Variants in KLF15 observed in about 807,000 individuals in gnomAD.
KLF15 encodes Krueppel-like factor 15.
Under a neutral mutation model 24.6 loss-of-function variants are expected in KLF15, and 4 were observed. That is an observed-to-expected ratio of 0.16 (90% confidence interval 0.08 to 0.37). The LOEUF (loss-of-function observed/expected upper bound fraction) is 0.37. Ranked by LOEUF, KLF15 falls within the 10% of genes least tolerant of loss-of-function variation. The probability of loss-of-function intolerance (pLI) is 1.00; values close to 1 mark genes in which losing one functional copy is unlikely to be tolerated. For synonymous variants in KLF15, 246 were observed against 236.3 expected, an observed-to-expected ratio of 1.04 and a Z score of -0.37; for missense variants, 496 against 560.6, an observed-to-expected ratio of 0.88 and a Z score of 1.16.
At chr3:126,319,498 G>A in the KLF15 span, among the ~76,000 whole-genome samples, 17 of 152,314 alleles carry the variant, frequency 1.1e-4, no homozygotes, top group East Asian at 9.7e-4. Flanking sequence ...GAGGTAGCTC[G>A]TTGCTGTTTT....
chr3:126,307,397 G>A, the KLF15 span, among the ~76,000 whole-genome samples: 28 of 152,350 alleles, frequency 1.8e-4, no homozygotes, highest in East Asian at 5.0e-3. Flanking sequence ...GATCCAGGAA[G>A]AGCTGGACCA....
chr3:126,329,592 T>C, the KLF15 span, among the ~76,000 whole-genome samples: 3 of 152,178 alleles, frequency 2.0e-5, no homozygotes, highest in African/African-American at 7.2e-5. Context: ...TCTACCACCA[T>C]TGTCGTGTCA....
chr3:126,344,691 G>A (rs956850678), intron 2 of KLF15, among the ~76,000 whole-genome samples: 1 of 152,234 alleles, frequency 6.6e-6, no homozygotes, highest in Non-Finnish European at 1.5e-5. Context: ...GGCCTGGGAG[G>A]AGGAAGCAGC....
chr3:126,331,074 G>A, the KLF15 span, among the ~76,000 whole-genome samples: 2 of 152,186 alleles, frequency 1.3e-5, no homozygotes, highest in East Asian at 3.9e-4. Flanking sequence ...GCAGCACAGA[G>A]GCAGGGTAGT....
chr3:126,306,235 G>T, the KLF15 span, among the ~76,000 whole-genome samples: 1 of 152,086 alleles, frequency 6.6e-6, no homozygotes, highest in African/African-American at 2.4e-5. Context: ...TTCTCTCTCC[G>T]CCCAGGGGTG....
Position 126,343,635 on chromosome 3 carries a change from T to A in KLF15, c.*92A>T. 7.8e-7 allele frequency: 1 copy of A among 1,287,140 alleles called. No individual in the cohort carries two copies. The highest frequency in any genetic ancestry group is 1.1e-6 in the Non-Finnish European group (1 of 919,590). 79.7% of individuals were successfully genotyped at this position (1,287,140 alleles called of 1,614,324 possible). ...AAGGTGGGCTGGTAACATTGCCATG[T>A]CCCTCTGGAGGAGGCAAATAAATTA... On this transcript the variant is annotated 3_prime_UTR_variant, in exon 3 of 3. Coordinates refer to ENST00000296233, the MANE Select transcript of KLF15 (RefSeq NM_014079.4).
rs148757851 is a variant in KLF15 at position 126,352,333 on chromosome 3, C to G, written c.590G>C (p.Gly197Ala). Reference protein sequence around the residue: ...SGRERCSPPPGGASAGGAQGP... With the variant: ...SGRERCSPPPAGASAGGAQGP... ...CTGGGCACCTCCTGCACTGGCACCA[C>G]CTGGTGGAGGGGAACAGCGCTCTCT... is the stretch of plus-strand genomic sequence containing the variant. Residue 197 changes from glycine to alanine, a missense_variant, in exon 2 of 3, where the codon GGT becomes GCT. Physicochemically the swap from Gly to Ala is moderately conservative, Grantham distance 60 (BLOSUM62 0). Around this residue, in one of 3 missense-constraint regions of KLF15, gnomAD observed 399 missense variants for 423.1 expected, o/e 0.94. Transcript: ENST00000296233. 5.0e-5 allele frequency: 79 copies of G among 1,580,774 alleles called. No individual in the cohort carries two copies. In the African/African-American group the frequency reaches 1.0e-3, roughly 20 times the overall value.
At chr3:126,345,585 GCCC>G (rs1044158479) in intron 2 of KLF15, among the ~76,000 whole-genome samples, 2 of 149,818 alleles carry the variant, frequency 1.3e-5, no homozygotes, top group Non-Finnish European at 3.0e-5. Context: ...ACAAATTCAT[GCCC>G]CCATGTACTC....
chr3:126,319,982 G>T, the KLF15 span, among the ~76,000 whole-genome samples: 2 of 152,318 alleles, frequency 1.3e-5, no homozygotes, highest in African/African-American at 4.8e-5. Context: ...AGTGGTTCAA[G>T]ATGAGTGGAG....
the KLF15 span, among the ~76,000 whole-genome samples, chr3:126,303,170 A>G: frequency 8.6e-5 from 13 of 152,038 alleles, no homozygotes; most frequent in Admixed American, 2.0e-4. Flanking sequence ...TGGTCCATCA[A>G]TTAGCTTTTG....
chr3:126,292,683 G>C, the KLF15 span, among the ~76,000 whole-genome samples: 2 of 152,132 alleles, frequency 1.3e-5, no homozygotes, highest in Non-Finnish European at 2.9e-5. Context: ...GAGCAGCAGT[G>C]GGGGAGGTGT....
Position 126,352,143 on chromosome 3 carries a change from G to C in KLF15, c.780C>G (p.Phe260Leu), listed in dbSNP as rs755498436. 1 of 1,570,954 alleles carries C rather than the reference G, an allele frequency of 6.4e-7. No individual in the cohort carries two copies. The highest frequency in any genetic ancestry group is 1.9e-5 in the Admixed American group (1 of 53,204). Reference sequence around the variant, plus strand: ...AGGGTACCACCTGGGGCACGAGTGCGAAGGTCTGCCCCTGGATGTTGACCA... The same window carrying C: ...AGGGTACCACCTGGGGCACGAGTGCCAAGGTCTGCCCCTGGATGTTGACCA... ...QLLVNIQGQT[F>L]ALVPQVVPSS... is the part of the protein sequence containing the mutation. Residue 260 changes from phenylalanine (F) to leucine (L), a missense_variant, in exon 2 of 3, where the codon TTC (phenylalanine) becomes TTG (leucine). This residue lies in a region of KLF15 where 399 missense variants were observed against 423.1 expected (regional missense o/e 0.94). Transcript: ENST00000296233.
the KLF15 span, among the ~76,000 whole-genome samples, chr3:126,295,294 A>G: frequency 6.6e-6 from 1 of 152,222 alleles, no homozygotes; most frequent in Non-Finnish European, 1.5e-5. Flanking sequence ...CAACTTTAAG[A>G]GCAGATACAG....
At chr3:126,347,243 C>T (rs1482380611) in intron 2 of KLF15, among the ~76,000 whole-genome samples, 1 of 152,198 alleles carries the variant, frequency 6.6e-6, no homozygotes, top group Non-Finnish European at 1.5e-5. Context: ...ACACCGCAAA[C>T]AGTCCAGTCT....
rs151208052 is a variant in KLF15, at chr3:126,343,850, T to C, written c.1128A>G (p.Ser376=). ...DELSRHRRSH[S]GVKPYQCPVC... ...CAGGACACTGGTACGGCTTCACACC[T>C]GAGTGCGAGCGCCTGTGCCGCGACA... Residue 376 remains serine (S), a synonymous_variant, in exon 3 of 3, where the codon TCA becomes TCG. Coordinates refer to ENST00000296233, the MANE Select transcript of KLF15 (RefSeq NM_014079.4). The C allele has an allele frequency of 5.3e-4, 852 of 1,606,162 alleles. 1 individual carries two copies. The African/African-American group carries it at 9.8e-3, about 19-fold the overall frequency.
At chr3:126,295,640 G>A in the KLF15 span, among the ~76,000 whole-genome samples, 4 of 152,186 alleles carry the variant, frequency 2.6e-5, no homozygotes, top group African/African-American at 9.7e-5. Context: ...AAGTGAGACT[G>A]TCTGTCCCTT....
chr3:126,339,259 T>C (rs151209014), downstream of KLF15, among the ~76,000 whole-genome samples: 2,109 of 152,328 alleles, frequency 0.014, 46 homozygotes, highest in African/African-American at 0.048. Flanking sequence ...GGGAGTTCCC[T>C]GTCCTCATGC....
Position 126,351,733 on chromosome 3 carries a change from C to T in KLF15, c.1082+108G>A, listed in dbSNP as rs905652409. The T allele has an allele frequency of 4.4e-6, 4 of 901,048 alleles. 1 individual carries two copies. Among genetic ancestry groups the T allele is most frequent in the Non-Finnish European group, 6.5e-6 (4 of 619,244 alleles). The allele number at this position is 901,048 out of a possible 1,614,324, so 55.8% of individuals were successfully genotyped here. Reference sequence around the variant, plus strand: ...GCACCCGCCTGCCCCTCCCTCCCCTCCCTCATCTACCTTCTGTTAATGGTG... The same window carrying T: ...GCACCCGCCTGCCCCTCCCTCCCCTTCCTCATCTACCTTCTGTTAATGGTG... On this transcript the variant is annotated intron_variant, in intron 2 of 2. Transcript: ENST00000296233.
chr3:126,352,630 G>A lies in KLF15; in HGVS notation c.293C>T (p.Ala98Val). 2 of 1,599,570 alleles carry A rather than the reference G, an allele frequency of 1.3e-6. No individual in the cohort carries two copies. The highest frequency in any genetic ancestry group is 1.7e-6 in the Non-Finnish European group (2 of 1,173,764). ...CCCCCAGGCCACGGGGCCACTGCTG[G>A]CCCCAATGCTACTGCCGCTGCCCCC... ...SGGGSGSSIGASSGPVAWGPW... is the reference protein window; with the variant it reads ...SGGGSGSSIGVSSGPVAWGPW... The change falls in exon 2 of 3, where the codon GCC (alanine) becomes GTC (valine). Residue 98 changes from alanine to valine, a missense_variant. By Grantham distance (64) the Ala-to-Val change is moderately conservative. This residue lies in a region of KLF15 where 399 missense variants were observed against 423.1 expected (regional missense o/e 0.94). Transcript: ENST00000296233.
Sources: allele counts gnomAD v4.1 joint callset (sites outside exome capture counted in the v4.1 genomes callset), GRCh38; gene constraint gnomAD v4.1.1; regional missense constraint gnomAD v4.1.1; transcripts MANE v1.5; gene names NCBI Gene and HGNC (gene_info 2026-07-23, HGNC 2026-07-21).